CDH18: variants seen among roughly 807,000 people sequenced by gnomAD.
CDH18 encodes the protein cadherin 18.
Under a neutral mutation model 67.9 loss-of-function variants are expected in CDH18, and 31 were observed. That is an observed-to-expected ratio of 0.46 (90% CI 0.34 to 0.62). The LOEUF is 0.62. Among genes scored for constraint, CDH18 ranks in the 20% least tolerant of loss-of-function variants. The pLI is 0.01. For missense variants in CDH18, 890 were observed against 975.5 expected, an observed-to-expected ratio of 0.91 and a Z score of 1.17; for synonymous variants, 362 against 347.2, an observed-to-expected ratio of 1.04 and a Z score of -0.48.
At chr5:19,528,886 T>A (rs1460826659) in intron 9 of CDH18, among the ~76,000 whole-genome samples, 1 of 151,888 alleles carries the variant, frequency 6.6e-6, no homozygotes, top group African/African-American at 2.4e-5. Context: ...AAATTCTGAA[T>A]CCATTCTGTG....
At chr5:20,443,576 T>C (rs1749791174) in intron 1 of CDH18, among the ~76,000 whole-genome samples, 1 of 151,992 alleles carries the variant, frequency 6.6e-6, no homozygotes, top group South Asian at 2.1e-4. Flanking sequence ...GAGACAATGA[T>C]TGATGTCAAT....
chr5:20,485,989 T>C (rs1202807733), intron 1 of CDH18, among the ~76,000 whole-genome samples: 1 of 152,182 alleles, frequency 6.6e-6, no homozygotes, highest in Non-Finnish European at 1.5e-5. Context: ...CTTTTGCAAC[T>C]GAAACTAACA....
intron 2 of CDH18, among the ~76,000 whole-genome samples, chr5:20,123,952 T>G (rs1580296750): frequency 6.6e-6 from 1 of 151,252 alleles, no homozygotes; most frequent in African/African-American, 2.4e-5. Context: ...TCTACTTCAG[T>G]CATGTATTTG....
At chr5:19,675,078 C>T (rs112387804) in intron 5 of CDH18, among the ~76,000 whole-genome samples, 62 of 152,066 alleles carry the variant, frequency 4.1e-4, no homozygotes, top group East Asian at 4.1e-3. Context: ...GGTTCCGTGA[C>T]GCCCCTGAGC....
chr5:19,846,329 T>C lies in CDH18; in HGVS notation c.-256-7087A>G, dbSNP rs998823520. 3.3e-5 allele frequency among the ~76,000 whole-genome samples: 5 copies of C among 152,264 alleles called. No homozygotes were observed. The East Asian group carries it at 7.7e-4, about 24-fold the overall frequency. ...ACTAACATGCTTTATGTTACTGATG[T>C]CACAAATACATTTTTATGTTGTGTA... On this transcript the variant is annotated intron_variant, in intron 2 of 12. Coordinates refer to ENST00000382275, the MANE Select transcript of CDH18 (RefSeq NM_004934.5).
chr5:19,648,552 A>C (rs1755119111), intron 5 of CDH18, among the ~76,000 whole-genome samples: 1 of 152,174 alleles, frequency 6.6e-6, no homozygotes, highest in Non-Finnish European at 1.5e-5. Flanking sequence ...CTTTTGAAAC[A>C]AATATCAGGG....
intron 1 of CDH18, among the ~76,000 whole-genome samples, chr5:20,356,142 G>A (rs138384673): frequency 0.023 from 3,483 of 152,234 alleles, 102 homozygotes; most frequent in East Asian, 0.075. Flanking sequence ...CAGCACTTTG[G>A]GAGGCCGAGG....
chr5:20,261,239 T>C (rs944968141), intron 1 of CDH18, among the ~76,000 whole-genome samples: 1 of 152,178 alleles, frequency 6.6e-6, no homozygotes, highest in Non-Finnish European at 1.5e-5. Flanking sequence ...AAAAATATTA[T>C]GCCATATATT....
intron 2 of CDH18, among the ~76,000 whole-genome samples, chr5:19,943,449 G>A (rs1215212205): frequency 1.3e-5 from 2 of 152,072 alleles, no homozygotes; most frequent in African/African-American, 4.8e-5. Flanking sequence ...AGCTCAGATT[G>A]TAAATAACCA....
At chr5:20,405,461 T>G (rs1056757714) in intron 1 of CDH18, among the ~76,000 whole-genome samples, 3 of 152,168 alleles carry the variant, frequency 2.0e-5, no homozygotes, top group African/African-American at 4.8e-5. Context: ...AACTTAAATG[T>G]TAGACCTAAA....
chr5:20,063,257 T>G (rs1742665156), intron 2 of CDH18, among the ~76,000 whole-genome samples: 1 of 151,606 alleles, frequency 6.6e-6, no homozygotes, highest in South Asian at 2.1e-4. Context: ...AAAAGTATTA[T>G]TCCCAGTACC....
intron 1 of CDH18, among the ~76,000 whole-genome samples, chr5:20,381,919 C>T (rs775810160): frequency 9.2e-5 from 14 of 151,744 alleles, no homozygotes; most frequent in Non-Finnish European, 1.8e-4. Context: ...GACATTTATA[C>T]TATAAATATA....
intron 4 of CDH18, among the ~76,000 whole-genome samples, chr5:19,735,458 G>A (rs905836309): frequency 2.0e-5 from 3 of 148,826 alleles, no homozygotes; most frequent in Admixed American, 6.8e-5. Flanking sequence ...ATGCAGTGGC[G>A]TGATCTCGGC....
At chr5:20,461,874 G>C (rs763776158) in intron 1 of CDH18, among the ~76,000 whole-genome samples, 1 of 152,044 alleles carries the variant, frequency 6.6e-6, no homozygotes, top group African/African-American at 2.4e-5. Flanking sequence ...CCCAAGAGTA[G>C]GTACAATAGT....
upstream of CDH18, chr5:19,992,004 C>A (rs1022080725): frequency 8.0e-6 from 1 of 125,652 alleles, no homozygotes; most frequent in Admixed American, 1.0e-4. Flanking sequence ...GGAGACAGAG[C>A]GAGATTCCAT....
chr5:20,284,724 T>G (rs1174582689), intron 1 of CDH18, among the ~76,000 whole-genome samples: 2 of 151,968 alleles, frequency 1.3e-5, no homozygotes, highest in Non-Finnish European at 2.9e-5. Context: ...GAATTCTTTT[T>G]TTAAAACTAA....
At chr5:19,995,602 TAAA>T (rs546777102) in intron 2 of CDH18, among the ~76,000 whole-genome samples, 6,243 of 122,688 alleles carry the variant, frequency 0.051, 285 homozygotes, top group African/African-American at 0.13. Flanking sequence ...TTGCAAGCTT[TAAA>T]AAAAAAAAAA....
chr5:20,107,874 C>T (rs1327384025), intron 2 of CDH18, among the ~76,000 whole-genome samples: 1 of 150,988 alleles, frequency 6.6e-6, no homozygotes, highest in Admixed American at 6.6e-5. Flanking sequence ...ATTAACTCGT[C>T]CTTTAGCATT....
chr5:19,945,129 T>C (rs927472814), intron 2 of CDH18, among the ~76,000 whole-genome samples: 1 of 152,124 alleles, frequency 6.6e-6, no homozygotes, highest in Admixed American at 6.6e-5. Flanking sequence ...TAGAGGTGTA[T>C]GGATATCCAG....
Sources: allele counts gnomAD v4.1 joint callset (sites outside exome capture counted in the v4.1 genomes callset), GRCh38; gene constraint gnomAD v4.1.1; transcripts MANE v1.5; gene names NCBI Gene and HGNC (gene_info 2026-07-23, HGNC 2026-07-21).